The following CFAP74 variants were observed in gnomAD, a reference collection of about 807,000 sequenced individuals.
CFAP74 encodes the protein cilia and flagella associated protein 74, also known as cilia- and flagella-associated protein 74.
A neutral mutation model predicts 188.9 loss-of-function variants in CFAP74; 124 were observed. That is an observed-to-expected ratio of 0.66 (90% CI 0.57 to 0.76). The LOEUF (loss-of-function observed/expected upper bound fraction) is 0.76, where lower values mean the gene tolerates loss of function less well. Among genes scored for constraint, CFAP74 ranks in the 30% least tolerant of loss-of-function variants. The pLI is 0.00. For missense variants in CFAP74, 2,198 were observed against 2,165.2 expected (o/e 1.02, Z -0.30); for synonymous variants, 956 against 916.7 (o/e 1.04, Z -0.77).
intron 18 of CFAP74, among the ~76,000 whole-genome samples, chr1:1,950,509 T>G (rs961847639): frequency 3.9e-5 from 6 of 152,054 alleles, no homozygotes; most frequent in Non-Finnish European, 8.8e-5. Context: ...CCAGCTAAGT[T>G]TTGTATTTTT....
intron 25 of CFAP74, among the ~76,000 whole-genome samples, chr1:1,933,192 T>G (rs1468833252): frequency 6.7e-6 from 1 of 148,982 alleles, no homozygotes; most frequent in Non-Finnish European, 1.5e-5. Flanking sequence ...GACCTTTTTT[T>G]TTTTTTTTTT....
At chr1:1,924,144 A>AC (rs1187697758) in intron 34 of CFAP74, among the ~76,000 whole-genome samples, 1 of 21,318 alleles carries the variant, frequency 4.7e-5, no homozygotes, top group African/African-American at 2.0e-4. Flanking sequence ...CTCACTGCCC[A>AC]CCCCCCCAGC....
chr1:1,953,701 C>T (rs1437565863), intron 18 of CFAP74: 1 of 153,646 alleles, frequency 6.5e-6, no homozygotes, highest in Non-Finnish European at 1.5e-5. Context: ...TGAGCCTCAG[C>T]CCTGACTTCC....
At position 1,942,496 on chromosome 1, in the gene CFAP74, G is replaced by A. The variant is rs1653451990; in HGVS notation, c.2487-340C>T. Among the ~76,000 whole-genome samples the A allele has an allele frequency of 1.3e-5, 2 of 152,060 alleles. No homozygotes were observed. Among genetic ancestry groups the A allele is most frequent in the African/African-American group, 4.8e-5 (2 of 41,434 alleles). ...TGCGGGGCCCTGGAGGGGACATGAG[G>A]GGTGGAACCCCTCCCTCCAGGGCTC... On this transcript the variant is annotated intron_variant, in intron 21 of 38. Coordinates refer to ENST00000682832, the MANE Select transcript of CFAP74 (RefSeq NM_001304360.2). The surrounding 1 kb of genome is among the most constrained non-coding windows in gnomAD (Gnocchi z 4.3).
intron 5 of CFAP74, among the ~76,000 whole-genome samples, chr1:1,986,417 A>T (rs2102102500): frequency 6.6e-6 from 1 of 152,096 alleles, no homozygotes; most frequent in Admixed American, 6.5e-5. Flanking sequence ...CCATGGCTGC[A>T]CTAGCCCCTC....
chr1:1,979,473 C>T lies in CFAP74; in HGVS notation c.501-5275G>A, dbSNP rs1437496259. The stretch of plus-strand genomic sequence containing the variant: ...TCACGTGATGAAGCTGCACAGAACA[C>T]GCGTGTGGTACTGAGCTGGGCGTGG... On this transcript the variant is annotated intron_variant, in intron 6 of 38. Coordinates refer to ENST00000682832, the MANE Select transcript of CFAP74 (RefSeq NM_001304360.2). Among the ~76,000 whole-genome samples the T allele has an allele frequency of 7.4e-4, 95 of 129,158 alleles. 1 individual carries two copies. Among genetic ancestry groups the T allele is most frequent in the African/African-American group, 2.4e-3 (81 of 34,314 alleles). The allele number at this position is 129,158 out of a possible 152,430, so 84.7% of individuals were successfully genotyped here.
chr1:1,977,453 G>A (rs547740459), intron 6 of CFAP74, among the ~76,000 whole-genome samples: 1 of 152,260 alleles, frequency 6.6e-6, no homozygotes, highest in South Asian at 2.1e-4. Context: ...CCTCCCTGAG[G>A]GGCTGCCAGA....
At chr1:1,980,705 CACAT>C (rs1446438071) in intron 6 of CFAP74, among the ~76,000 whole-genome samples, 2 of 152,216 alleles carry the variant, frequency 1.3e-5, no homozygotes, top group Non-Finnish European at 2.9e-5. Flanking sequence ...GCGGGTGAGA[CACAT>C]GCAGCATCCC....
Position 1,925,927 on chromosome 1 carries a change from TG to T in CFAP74, c.3959del (p.Thr1320AsnfsTer23). The T allele has an allele frequency of 1.9e-6, 3 of 1,608,844 alleles. No homozygotes were observed. Among genetic ancestry groups the T allele is most frequent in the Non-Finnish European group, 2.5e-6 (3 of 1,178,148 alleles). ...TGCCTCTCTTGGTGATGATGTCCAGTGTTTCTTGAGCCTAAAGAGACCACAT... is the reference window on the plus strand; with the variant it reads ...TGCCTCTCTTGGTGATGATGTCCAGTTTTCTTGAGCCTAAAGAGACCACAT... ...SPHESILAQE[T>X]LDIITKRGTL... On this transcript the variant is annotated frameshift_variant, in exon 33 of 39. Transcript: ENST00000682832. LOFTEE classifies it high-confidence loss of function.
chr1:1,934,941 A>AATGAAAGTGTGACCCCTGGCATT (rs1351244889), intron 25 of CFAP74, among the ~76,000 whole-genome samples: 878 of 75,760 alleles, frequency 0.012, 50 homozygotes, highest in East Asian at 0.021. Flanking sequence ...ACAGGTGTGT[A>AATGAAAGTGTGACCCCTGGCATT]CGTGGGTGTT....
intron 11 of CFAP74, among the ~76,000 whole-genome samples, chr1:1,967,814 A>G (rs1346706415): frequency 6.6e-6 from 1 of 152,224 alleles, no homozygotes; most frequent in Non-Finnish European, 1.5e-5. Flanking sequence ...AAGGTAAACT[A>G]GAAATACATT....
At position 1,930,188 on chromosome 1, in the gene CFAP74, T is replaced by C; in HGVS notation, c.3160A>G (p.Thr1054Ala). 1 of 1,535,558 alleles carries C rather than the reference T, an allele frequency of 6.5e-7. No individual in the cohort carries two copies. ...GAGCCAATGCGGGGCTTGGAGTGGG[T>C]CGGTGAGCTCATGCTCAGGTGAGAG... ...INSHLSMSSPTHSKPRIGSED... is the reference protein window; with the variant it reads ...INSHLSMSSPAHSKPRIGSED... Residue 1054 changes from threonine (T) to alanine (A), a missense_variant, in exon 26 of 39, where the codon ACC becomes GCC. Transcript: ENST00000682832.
chr1:1,988,673 G>A lies in CFAP74; in HGVS notation c.153-18C>T, dbSNP rs775026988. On this transcript the variant is annotated intron_variant, in intron 3 of 38. Transcript: ENST00000682832. ...TCACTGAGCTTAGGATGAAAAGGAC[G>A]TCAGCTGCCACCACCCCAGCTGCAG... 17 of 1,602,732 alleles carry A rather than the reference G, an allele frequency of 1.1e-5. No homozygotes were observed. The highest frequency in any genetic ancestry group is 8.0e-5 in the African/African-American group (6 of 74,872).
In CFAP74 at chr1:1,924,380, C is replaced by A; in HGVS notation, c.4234+11G>T. 1.7e-6 allele frequency: 1 copy of A among 600,278 alleles called. No homozygotes were observed. The highest frequency in any genetic ancestry group is 1.8e-5 in the South Asian group (1 of 55,746). The allele number at this position is 600,278 out of a possible 1,614,324, so 37.2% of individuals were successfully genotyped here. ...CCGCAGCTCACCACCCACCCCCCAC[C>A]CCCCGCTCACCGACCACCTCCGTCC... On this transcript the variant is annotated intron_variant, in intron 34 of 38. Transcript: ENST00000682832.
In CFAP74 at chr1:1,955,571, C is replaced by A. The variant is rs755699694; in HGVS notation, c.2176+120G>T. 53 of 1,611,878 alleles carry A rather than the reference C, an allele frequency of 3.3e-5. No individual in the cohort carries two copies. In the South Asian group the frequency reaches 4.5e-4, roughly 14 times the overall value. The stretch of plus-strand genomic sequence containing the variant: ...TTCTTGCTTAACCGTCACTTAACAT[C>A]GAAGGCCTAGGAAAATTCTCTACTT... On this transcript the variant is annotated intron_variant, in intron 18 of 38. Transcript: ENST00000682832.
At chr1:1,952,346 T>C (rs28368268) in intron 18 of CFAP74, among the ~76,000 whole-genome samples, 10,976 of 142,056 alleles carry the variant, frequency 0.077, 562 homozygotes, top group South Asian at 0.2. Context: ...GGCTAGAGTA[T>C]AAAATTAAAA....
chr1:1,922,361 G>A lies in CFAP74; in HGVS notation c.4846C>T (p.Leu1616=). The A allele has an allele frequency of 6.2e-7, 1 of 1,600,994 alleles. No homozygotes were observed. Among genetic ancestry groups the A allele is most frequent in the Non-Finnish European group, 8.5e-7 (1 of 1,176,798 alleles). ...TTCACATCCCCCCTTAGCTGCAGCA[G>A]GGCCGACACCATGAGTGGGTGGTCT... ...DPDHPLMVSA[L]LQLRGDVKET... The change falls in exon 39 of 39, where the codon CTG becomes TTG. Residue 1616 remains leucine (L), a synonymous_variant. Transcript: ENST00000682832.
Position 1,964,922 on chromosome 1 carries a change from G to A in CFAP74, c.1541C>T (p.Pro514Leu). ...GAGGAGCTCCGGTTTGCTGTTGAAG[G>A]GGCGTCCTTGGAACTCACGCCCCCA... Reference protein sequence around the residue: ...VVWGREFQGRPFNSKPELLHF... With the variant: ...VVWGREFQGRLFNSKPELLHF... The change falls in exon 13 of 39, where the codon CCC (proline) becomes CTC (leucine). Residue 514 changes from proline (P) to leucine (L), a missense_variant. Pro to Leu is a moderately conservative substitution (Grantham distance 98). Transcript: ENST00000682832. 6.2e-7 allele frequency: 1 copy of A among 1,613,876 alleles called. No individual in the cohort carries two copies. The highest frequency in any genetic ancestry group is 8.5e-7 in the Non-Finnish European group (1 of 1,179,950).
intron 6 of CFAP74, 118 bp from the exon 7 acceptor site, chr1:1,974,316 G>T: frequency 2.0e-6 from 2 of 984,036 alleles, no homozygotes; most frequent in Non-Finnish European, 1.5e-6. Context: ...AGATGGGTTA[G>T]CTCCCTCCTC....
Sources: allele counts gnomAD v4.1 joint callset (sites outside exome capture counted in the v4.1 genomes callset), GRCh38; gene constraint gnomAD v4.1.1; non-coding constraint Gnocchi (gnomAD v3.1); transcripts MANE v1.5; gene names NCBI Gene and HGNC (gene_info 2026-07-23, HGNC 2026-07-21).